Variants in SLC13A4 observed in about 807,000 individuals in gnomAD.
SLC13A4 encodes the protein solute carrier family 13 member 4.
In SLC13A4, 28 loss-of-function variants were observed where a neutral mutation model predicts 72.7. The ratio of observed to expected loss-of-function variants is 0.39; its 90% confidence interval spans 0.29 to 0.53. The LOEUF is 0.53. Among genes scored for constraint, SLC13A4 ranks in the 20% least tolerant of loss-of-function variants. The pLI, the probability that SLC13A4 is intolerant of heterozygous loss-of-function variation, is 0.78. For synonymous variants in SLC13A4, 312 were observed against 325.5 expected, an observed-to-expected ratio of 0.96 and a Z score of 0.45; for missense variants, 653 against 788.0, an observed-to-expected ratio of 0.83 and a Z score of 2.05.
intron 2 of SLC13A4, among the ~76,000 whole-genome samples, chr7:135,710,418 AAG>A (rs1342637741): frequency 1.3e-5 from 2 of 152,214 alleles, no homozygotes; most frequent in Non-Finnish European, 2.9e-5. Context: ...AAAAAACAAA[AAG>A]AAAAAATCTT....
At chr7:135,726,866 C>T (rs1044009132) in intron 1 of SLC13A4, among the ~76,000 whole-genome samples, 7 of 152,204 alleles carry the variant, frequency 4.6e-5, no homozygotes, top group African/African-American at 1.2e-4. Context: ...AGTTGATAGG[C>T]GCCTTCGGGA....
chr7:135,715,231 G>A (rs547475757), intron 2 of SLC13A4, among the ~76,000 whole-genome samples: 3 of 134,348 alleles, frequency 2.2e-5, no homozygotes, highest in Non-Finnish European at 5.3e-5. Flanking sequence ...ATATGTGAGT[G>A]TATGTGTGTA....
At chr7:135,705,562 G>A (rs1796141117) in intron 5 of SLC13A4, 34 bp downstream of exon 5, 2 of 1,607,534 alleles carry the variant, frequency 1.2e-6, no homozygotes, top group Middle Eastern at 1.7e-4. Context: ...TGGACTCTGA[G>A]AGGCGCTGTC....
rs1306234161 is a variant in SLC13A4, at chr7:135,708,147, C to A, written c.332G>T (p.Arg111Leu). 6.2e-7 allele frequency: 1 copy of A among 1,614,208 alleles called. No homozygotes were observed. The highest frequency in any genetic ancestry group is 8.5e-7 in the Non-Finnish European group (1 of 1,180,024). ...CTTGGCTCCGGCCATCAAGACCATGCGCAGAGCAATGCGCTTATGCAGGTT... is the reference window on the plus strand; with the variant it reads ...CTTGGCTCCGGCCATCAAGACCATGAGCAGAGCAATGCGCTTATGCAGGTT... ...KWNLHKRIALRMVLMAGAKPG... is the reference protein window; with the variant it reads ...KWNLHKRIALLMVLMAGAKPG... Residue 111 changes from arginine (R) to leucine (L), a missense_variant, in exon 3 of 16, where the codon CGC becomes CTC. By Grantham distance (102) the Arg-to-Leu change is moderately radical. Transcript: ENST00000682651.
chr7:135,684,528 AT>A (rs2129493693), intron 14 of SLC13A4, among the ~76,000 whole-genome samples: 1 of 152,152 alleles, frequency 6.6e-6, no homozygotes, highest in East Asian at 1.9e-4. Context: ...ATTCTAAGGA[AT>A]TGGTTCCTAA....
At chr7:135,715,383 G>GT (rs1796406605) in intron 2 of SLC13A4, among the ~76,000 whole-genome samples, 1 of 148,448 alleles carries the variant, frequency 6.7e-6, no homozygotes, top group Admixed American at 6.8e-5. Flanking sequence ...GTGTGTGAGT[G>GT]TGTATGTGTG....
intron 2 of SLC13A4, among the ~76,000 whole-genome samples, chr7:135,714,913 G>A (rs988568251): frequency 1.3e-5 from 2 of 152,226 alleles, no homozygotes; most frequent in African/African-American, 4.8e-5. Flanking sequence ...CCCGAGGCCT[G>A]CAGCGCAGGG....
intron 7 of SLC13A4, among the ~76,000 whole-genome samples, chr7:135,701,227 A>T (rs1328956185): frequency 2.0e-5 from 3 of 152,376 alleles, no homozygotes; most frequent in African/African-American, 7.2e-5. Flanking sequence ...GAACACAGAC[A>T]TTTGAAATCA....
At chr7:135,713,193 A>G (rs1297201300) in intron 2 of SLC13A4, among the ~76,000 whole-genome samples, 1 of 152,250 alleles carries the variant, frequency 6.6e-6, no homozygotes, top group Non-Finnish European at 1.5e-5. Flanking sequence ...ATTAGATTCT[A>G]AATGGCTGTT....
Position 135,727,382 on chromosome 7 carries a change from G to T in SLC13A4, c.99+16C>A. ...ACTGACTCCCAGACCCCCGGTGGGC[G>T]CAGGTCGGTACTCACGCTGCTGGGG... On this transcript the variant is annotated intron_variant, in intron 1 of 15. Transcript: ENST00000682651. 1 of 1,548,042 alleles carries T rather than the reference G, an allele frequency of 6.5e-7. No individual in the cohort carries two copies.
At chr7:135,700,372 T>G (rs1344576443) in intron 7 of SLC13A4, among the ~76,000 whole-genome samples, 1 of 152,180 alleles carries the variant, frequency 6.6e-6, no homozygotes, top group Non-Finnish European at 1.5e-5. Flanking sequence ...TCACTGATTC[T>G]TCATGAGACT....
At chr7:135,715,480 T>A (rs984084593) in intron 2 of SLC13A4, among the ~76,000 whole-genome samples, 1 of 137,856 alleles carries the variant, frequency 7.3e-6, no homozygotes, top group African/African-American at 2.8e-5. Flanking sequence ...TGTGTGTATG[T>A]GTATGTATGA....
chr7:135,684,237 G>A lies in SLC13A4; in HGVS notation c.1633C>T (p.Leu545Phe), dbSNP rs1271801760. 2.5e-6 allele frequency: 4 copies of A among 1,610,468 alleles called. No individual in the cohort carries two copies. The highest frequency in any genetic ancestry group is 3.4e-6 in the Non-Finnish European group (4 of 1,177,944). The change falls in exon 15 of 16, where the codon CTC becomes TTC. Residue 545 changes from leucine (L) to phenylalanine (F), a missense_variant. Physicochemically the swap from Leu to Phe is conservative, Grantham distance 22. Coordinates refer to ENST00000682651, the MANE Select transcript of SLC13A4 (RefSeq NM_001318192.2). The stretch of plus-strand genomic sequence containing the variant: ...ATGGTGACTGGGATCAGGGTGTAGA[G>A]GGGGTTAATGTGCAGCGTTTCAGAC... ...SLSETLHINPLYTLIPVTMCI... is the reference protein window; with the variant it reads ...SLSETLHINPFYTLIPVTMCI...
chr7:135,681,776 C>A, intron 15 of SLC13A4, 76 bp from the exon 16 acceptor site: 1 of 1,561,438 alleles, frequency 6.4e-7, no homozygotes, highest in East Asian at 2.3e-5. Context: ...CCTTCTGTTC[C>A]TGCAGCCTAT....
chr7:135,692,328 A>G lies in SLC13A4; in HGVS notation c.1218T>C (p.Phe406=). Residue 406 remains phenylalanine, a synonymous_variant, in exon 11 of 16, where the codon TTT becomes TTC. Transcript: ENST00000682651. The part of the protein sequence containing the change: ...PGFVPGWDSF[F]EKKGYRTDAT... ...GAGGAAATGATATCACTTACTTTTC[A>G]AAGAAAGAATCCCAGCCAGGGACAA... 1 of 1,611,490 alleles carries G rather than the reference A, an allele frequency of 6.2e-7. No individual in the cohort carries two copies. Among genetic ancestry groups the G allele is most frequent in the Non-Finnish European group, 8.5e-7 (1 of 1,177,682 alleles).
At chr7:135,719,205 C>G (rs920931039) in intron 2 of SLC13A4, among the ~76,000 whole-genome samples, 2 of 152,222 alleles carry the variant, frequency 1.3e-5, no homozygotes, top group Non-Finnish European at 2.9e-5. Flanking sequence ...GCAGACTCTC[C>G]TTACGGGTTT....
intron 13 of SLC13A4, among the ~76,000 whole-genome samples, chr7:135,686,492 C>T (rs1314939234): frequency 6.6e-6 from 1 of 152,150 alleles, no homozygotes; most frequent in Non-Finnish European, 1.5e-5. Flanking sequence ...CCTCCCACCT[C>T]AGCCTTCCAA....
chr7:135,693,616 G>A (rs1795839833), intron 10 of SLC13A4, among the ~76,000 whole-genome samples: 1 of 152,180 alleles, frequency 6.6e-6, no homozygotes, highest in African/African-American at 2.4e-5. Context: ...AGGAGAAATA[G>A]CACTAAATAG....
intron 2 of SLC13A4, among the ~76,000 whole-genome samples, chr7:135,720,285 T>C (rs1313175116): frequency 6.6e-6 from 1 of 152,152 alleles, no homozygotes; most frequent in Admixed American, 6.5e-5. Context: ...GTATACACTT[T>C]GAATTCTAAT....
Sources: allele counts gnomAD v4.1 joint callset (sites outside exome capture counted in the v4.1 genomes callset), GRCh38; gene constraint gnomAD v4.1.1; transcripts MANE v1.5; gene names NCBI Gene and HGNC (gene_info 2026-07-23, HGNC 2026-07-21).